Variants in CBFA2T2 observed in about 807,000 individuals in gnomAD.
The protein encoded by CBFA2T2 is protein CBFA2T2.
CBFA2T2 carries 11 observed loss-of-function variants against 62.2 expected under a neutral mutation model. That is an observed-to-expected ratio of 0.18 (90% CI 0.11 to 0.29). CBFA2T2 has a LOEUF of 0.29. Ranked by LOEUF, CBFA2T2 falls within the 10% of genes least tolerant of loss-of-function variation. The pLI is 1.00. For missense variants in CBFA2T2, 592 were observed against 774.1 expected, an observed-to-expected ratio of 0.76 and a Z score of 2.79; for synonymous variants, 295 against 287.5, an observed-to-expected ratio of 1.03 and a Z score of -0.27.
chr20:33,638,931 C>G (rs1278241513), intron 9 of CBFA2T2: 1 of 152,218 alleles, frequency 6.6e-6, no homozygotes, highest in Admixed American at 6.5e-5. Context: ...CTGCCCAAAT[C>G]TATGTCTTTA....
intron 5 of CBFA2T2, 41 bp from the exon 6 acceptor site, chr20:33,624,723 T>C (rs1475657232): frequency 6.2e-7 from 1 of 1,606,340 alleles, no homozygotes; most frequent in Admixed American, 1.7e-5. Context: ...GCATGAACAC[T>C]TGTTGACAGG....
intron 1 of CBFA2T2, among the ~76,000 whole-genome samples, chr20:33,587,052 C>T (rs2014398081): frequency 1.3e-5 from 2 of 152,038 alleles, no homozygotes; most frequent in African/African-American, 4.8e-5. Context: ...AGTGATTCTG[C>T]AACCTAAACT....
At chr20:33,562,432 G>A in intron 1 of CBFA2T2, 1 of 985,886 alleles carries the variant, frequency 1.0e-6, no homozygotes, top group South Asian at 4.7e-5. Flanking sequence ...TGGTCTGTTT[G>A]GCAGGACCTT....
At chr20:33,588,600 C>CA (rs1167663948) in intron 1 of CBFA2T2, among the ~76,000 whole-genome samples, 1 of 152,110 alleles carries the variant, frequency 6.6e-6, no homozygotes, top group Non-Finnish European at 1.5e-5. Context: ...AAGAGCAGTA[C>CA]ACCCTAACCA....
intron 1 of CBFA2T2, among the ~76,000 whole-genome samples, chr20:33,504,426 T>A (rs1256739025): frequency 4.0e-5 from 6 of 149,446 alleles, no homozygotes; most frequent in African/African-American, 7.4e-5. Flanking sequence ...TTTTTTTTTT[T>A]AAGATGGAGT....
intron 1 of CBFA2T2, among the ~76,000 whole-genome samples, chr20:33,561,313 G>A (rs1391931668): frequency 6.6e-6 from 1 of 151,964 alleles, no homozygotes; most frequent in Non-Finnish European, 1.5e-5. Context: ...GAGCTCAAGC[G>A]ACCTGACCAC....
chr20:33,614,903 G>C (rs1173881435), intron 3 of CBFA2T2, among the ~76,000 whole-genome samples: 1 of 152,182 alleles, frequency 6.6e-6, no homozygotes, highest in African/African-American at 2.4e-5. Flanking sequence ...GCCAGCCAGT[G>C]GCCCAACCTT....
At chr20:33,554,752 T>A (rs1219490688) in intron 1 of CBFA2T2, among the ~76,000 whole-genome samples, 1 of 151,890 alleles carries the variant, frequency 6.6e-6, no homozygotes, top group Non-Finnish European at 1.5e-5. Context: ...TGTTTGAAAG[T>A]CTAGAATCAT....
At chr20:33,507,908 T>A (rs2011432179) in intron 1 of CBFA2T2, among the ~76,000 whole-genome samples, 1 of 152,066 alleles carries the variant, frequency 6.6e-6, no homozygotes, top group South Asian at 2.1e-4. Flanking sequence ...TATATCAGCT[T>A]TTATACTCCT....
At chr20:33,491,859 G>C (rs148302653) in intron 1 of CBFA2T2, among the ~76,000 whole-genome samples, 1 of 151,734 alleles carries the variant, frequency 6.6e-6, no homozygotes, top group Non-Finnish European at 1.5e-5. Context: ...ATGCCACCAC[G>C]CTCGGCCAAT....
intron 1 of CBFA2T2, among the ~76,000 whole-genome samples, chr20:33,541,240 G>A (rs1255890663): frequency 1.3e-5 from 2 of 152,214 alleles, no homozygotes; most frequent in African/African-American, 4.8e-5. Context: ...TTGTCATGTA[G>A]TCCAGAGGTC....
intron 1 of CBFA2T2, among the ~76,000 whole-genome samples, chr20:33,517,974 A>T (rs2011632623): frequency 6.7e-6 from 1 of 149,810 alleles, no homozygotes; most frequent in East Asian, 2.0e-4. Flanking sequence ...TTTGAGACAG[A>T]GTCTCTCTCT....
chr20:33,557,603 G>T (rs2012941720), intron 1 of CBFA2T2, among the ~76,000 whole-genome samples: 1 of 151,824 alleles, frequency 6.6e-6, no homozygotes, highest in African/African-American at 2.4e-5. Context: ...AACTCCTGGT[G>T]TCAAGCAATA....
chr20:33,560,521 A>G (rs181396860), intron 1 of CBFA2T2, among the ~76,000 whole-genome samples: 59 of 152,362 alleles, frequency 3.9e-4, no homozygotes, highest in Non-Finnish European at 8.1e-4. Context: ...TAGTGAGTAC[A>G]CATGACAAAC....
In CBFA2T2 at chr20:33,645,669, G is replaced by A. The variant is rs991205649; in HGVS notation, c.*1023G>A. 1 of 152,224 alleles carries A rather than the reference G, an allele frequency of 6.6e-6. No homozygotes were observed. Among genetic ancestry groups the A allele is most frequent in the African/African-American group, 2.4e-5 (1 of 41,440 alleles). The allele number at this position is 152,224 out of a possible 1,614,324, so 9.4% of individuals were successfully genotyped here. On this transcript the variant is annotated 3_prime_UTR_variant, in exon 11 of 11. Coordinates refer to ENST00000342704, the MANE Select transcript of CBFA2T2 (RefSeq NM_001032999.3). Reference sequence around the variant, plus strand: ...CCTGCTGGATGTGCTGTGCAGGTTGGTAGGACTTGCCCCCACTGTCAAGGC... The same window carrying A: ...CCTGCTGGATGTGCTGTGCAGGTTGATAGGACTTGCCCCCACTGTCAAGGC...
intron 1 of CBFA2T2, among the ~76,000 whole-genome samples, chr20:33,497,539 C>A (rs8118952): frequency 1.4e-5 from 2 of 142,446 alleles, no homozygotes; most frequent in African/African-American, 5.3e-5. Flanking sequence ...GTGTTTGAAG[C>A]TTGTATACTT....
At chr20:33,528,762 A>C (rs2011959973) in intron 1 of CBFA2T2, among the ~76,000 whole-genome samples, 1 of 150,816 alleles carries the variant, frequency 6.6e-6, no homozygotes. Context: ...CTGGTCTTGA[A>C]CTCCTGGGCT....
At chr20:33,535,568 C>T (rs2012182135) in intron 1 of CBFA2T2, among the ~76,000 whole-genome samples, 1 of 150,004 alleles carries the variant, frequency 6.7e-6, no homozygotes, top group Non-Finnish European at 1.5e-5. Flanking sequence ...CTTTGTTAGG[C>T]CCAGGCAGGA....
At position 33,494,247 on chromosome 20, in the gene CBFA2T2, A is replaced by G. The variant is rs1353278596; in HGVS notation, c.34+3946A>G. Among the ~76,000 whole-genome samples, 58 of 25,594 alleles carry G rather than the reference A, an allele frequency of 2.3e-3. 2 individuals are homozygous for G. The highest frequency in any genetic ancestry group is 6.0e-3 in the African/African-American group (49 of 8,182). 16.8% of individuals were successfully genotyped at this position (25,594 alleles called of 152,430 possible). ...ATGTATTAGGCATATATATGTGTAT[A>G]TATATATATATATATATATATATAT... On this transcript the variant is annotated intron_variant, in intron 1 of 10. Transcript: ENST00000342704.
Sources: gnomAD v4.1 joint callset for allele counts (sites outside exome capture counted in the v4.1 genomes callset) on GRCh38, gnomAD v4.1.1 for gene constraint, MANE v1.5 for transcripts, NCBI Gene and HGNC (gene_info 2026-07-23, HGNC 2026-07-21) for gene names.